CCDC122: variants seen among roughly 807,000 people sequenced by gnomAD.
CCDC122 encodes coiled-coil domain-containing protein 122.
In CCDC122, 38 loss-of-function variants were observed where a neutral mutation model predicts 37.0. That is an observed-to-expected ratio of 1.03 (90% CI 0.79 to 1.35). CCDC122 has a LOEUF of 1.35. Among genes scored for constraint, CCDC122 ranks in the 40% most tolerant of loss-of-function variants. The probability of loss-of-function intolerance (pLI) is 0.00; values close to 1 mark genes in which losing one functional copy is unlikely to be tolerated. For synonymous variants in CCDC122, 83 were observed against 95.6 expected, an observed-to-expected ratio of 0.87 and a Z score of 0.77; for missense variants, 305 against 310.0, an observed-to-expected ratio of 0.98 and a Z score of 0.12.
intron 6 of CCDC122, among the ~76,000 whole-genome samples, chr13:43,851,923 A>C (rs1183735432): frequency 1.3e-5 from 2 of 151,384 alleles, no homozygotes; most frequent in African/African-American, 4.9e-5. Context: ...ATAACAATCA[A>C]ACCCTCAAGA....
chr13:43,870,023 T>C (rs976712401), intron 2 of CCDC122, among the ~76,000 whole-genome samples: 1 of 152,138 alleles, frequency 6.6e-6, no homozygotes, highest in Non-Finnish European at 1.5e-5. Context: ...TCACTAAATA[T>C]CTTTTCTAAA....
At chr13:43,865,580 G>A (rs546041238) in intron 4 of CCDC122, among the ~76,000 whole-genome samples, 1 of 152,190 alleles carries the variant, frequency 6.6e-6, no homozygotes, top group South Asian at 2.1e-4. Context: ...AAAGTTATGT[G>A]AATGTGGTCT....
chr13:43,866,733 C>A (rs1179705264), intron 4 of CCDC122, among the ~76,000 whole-genome samples: 1 of 152,044 alleles, frequency 6.6e-6, no homozygotes, highest in African/African-American at 2.4e-5. Flanking sequence ...TTCTGATTTT[C>A]TCTTGCCAAT....
At chr13:43,819,150 G>A (rs988393767), downstream of CCDC122, among the ~76,000 whole-genome samples, 2 of 152,152 alleles carry the variant, frequency 1.3e-5, no homozygotes, top group African/African-American at 2.4e-5. Context: ...TCTCTGACCT[G>A]TTATGTAGGA....
At chr13:43,868,833 A>G in intron 3 of CCDC122, 30 bp from the exon 4 acceptor site, 1 of 1,059,526 alleles carries the variant, frequency 9.4e-7, no homozygotes, top group South Asian at 2.5e-5. Context: ...TAAAGTATAT[A>G]ATAAAAATTA....
chr13:43,827,014 C>G lies in CCDC122; in HGVS notation n.602-3003G>C, dbSNP rs182270068. Among the ~76,000 whole-genome samples, 155 of 152,266 alleles carry G rather than the reference C, an allele frequency of 1.0e-3. 1 individual carries two copies. In the Middle Eastern group the frequency reaches 0.01, roughly 10 times the overall value. Reference sequence around the variant, plus strand: ...AAGAATTTTCCTTTCTCTTCCCAGACAGTCCCACTTGGTTAGCTATATTTT... The same window carrying G: ...AAGAATTTTCCTTTCTCTTCCCAGAGAGTCCCACTTGGTTAGCTATATTTT... On this transcript the variant is annotated intron_variant and non_coding_transcript_variant, in intron 3 of 3. Transcript: ENST00000470137.
intron 6 of CCDC122, among the ~76,000 whole-genome samples, chr13:43,850,154 C>T (rs952914053): frequency 3.3e-5 from 5 of 152,308 alleles, no homozygotes; most frequent in African/African-American, 1.2e-4. Flanking sequence ...GTCTTTCCCC[C>T]TTCCATGGGA....
chr13:43,822,963 G>T (rs77258838), downstream of CCDC122, among the ~76,000 whole-genome samples: 484 of 152,270 alleles, frequency 3.2e-3, 1 homozygote, highest in Non-Finnish European at 5.4e-3. Flanking sequence ...TGCCTAAGGT[G>T]CAAGACAAAG....
intron 6 of CCDC122, chr13:43,856,223 A>AAAAATAAC (rs1422390970): frequency 6.6e-6 from 1 of 152,194 alleles, no homozygotes; most frequent in East Asian, 1.9e-4. Context: ...AAGGATCAGG[A>AAAAATAAC]AAAATAACTA....
chr13:43,852,258 C>T (rs1363335947), intron 6 of CCDC122, among the ~76,000 whole-genome samples: 1 of 152,020 alleles, frequency 6.6e-6, no homozygotes, highest in Non-Finnish European at 1.5e-5. Context: ...CAGGAGCTGA[C>T]AGACAAAATA....
At chr13:43,822,699 A>G (rs2153867510), downstream of CCDC122, among the ~76,000 whole-genome samples, 1 of 152,276 alleles carries the variant, frequency 6.6e-6, no homozygotes, top group Middle Eastern at 3.4e-3. Flanking sequence ...CAGAGAGAGG[A>G]GCCTCTCCCT....
At chr13:43,854,741 T>C (rs571718187) in intron 6 of CCDC122, 2 of 152,196 alleles carry the variant, frequency 1.3e-5, no homozygotes, top group Admixed American at 1.3e-4. Context: ...TACTGTTAAA[T>C]TGAATCCAGA....
At chr13:43,877,413 C>T (rs964929122) in intron 1 of CCDC122, among the ~76,000 whole-genome samples, 1 of 152,068 alleles carries the variant, frequency 6.6e-6, no homozygotes, top group Non-Finnish European at 1.5e-5. Context: ...ATAAAAAAAG[C>T]CTTTTTTAGA....
rs141611818 is a variant in CCDC122, at chr13:43,850,269, T to A, written c.672+8512A>T. ...AAGCATAATACCCAACATGTCCACA[T>A]TTCAATAAAAAATGGCTCATAACAC... On this transcript the variant is annotated intron_variant, in intron 6 of 6. Coordinates refer to ENST00000444614, the MANE Select transcript of CCDC122 (RefSeq NM_144974.5). Among the ~76,000 whole-genome samples, 1,266 of 152,222 alleles carry A rather than the reference T, an allele frequency of 8.3e-3. 13 individuals are homozygous for A. Among genetic ancestry groups the A allele is most frequent in the African/African-American group, 0.027 (1,126 of 41,530 alleles).
Position 43,869,355 on chromosome 13 carries a change from T to A in CCDC122, c.22A>T (p.Lys8Ter). 1.2e-6 allele frequency: 2 copies of A among 1,608,790 alleles called. No homozygotes were observed. Residue 8 changes from lysine to a stop codon, truncating the protein, a stop_gained, in exon 3 of 7, where the codon AAG (lysine) becomes TAG (stop). Coordinates refer to ENST00000444614, the MANE Select transcript of CCDC122 (RefSeq NM_144974.5). LOFTEE classifies it high-confidence loss of function. MSDNKER[K>*]SQGFPKEDNQ... ...CCTTCTTTAGGAAATCCTTGACTCT[T>A]CCTTTCTTTGTTGTCTGACATTTTC...
At chr13:43,851,838 G>A (rs1953743340) in intron 6 of CCDC122, among the ~76,000 whole-genome samples, 1 of 152,100 alleles carries the variant, frequency 6.6e-6, no homozygotes, top group Non-Finnish European at 1.5e-5. Flanking sequence ...ACAGCACACA[G>A]TCCAGGAGTT....
intron 2 of CCDC122, among the ~76,000 whole-genome samples, chr13:43,872,966 G>C (rs1024297597): frequency 6.6e-6 from 1 of 151,916 alleles, no homozygotes; most frequent in Admixed American, 6.6e-5. Flanking sequence ...CTTTTATCAC[G>C]GTATCTATGA....
intron 2 of CCDC122, among the ~76,000 whole-genome samples, chr13:43,873,285 A>T (rs998860615): frequency 6.6e-6 from 1 of 152,052 alleles, no homozygotes; most frequent in African/African-American, 2.4e-5. Context: ...GTAGACTCAT[A>T]CTCATTGCCT....
chr13:43,854,891 T>C (rs2153874023), intron 6 of CCDC122: 1 of 152,242 alleles, frequency 6.6e-6, no homozygotes, highest in Non-Finnish European at 1.5e-5. Context: ...ATTATCTCAA[T>C]AGATGCAGAA....
Sources: gnomAD v4.1 joint callset for allele counts (sites outside exome capture counted in the v4.1 genomes callset) on GRCh38, gnomAD v4.1.1 for gene constraint, MANE v1.5 for transcripts, NCBI Gene and HGNC (gene_info 2026-07-23, HGNC 2026-07-21) for gene names.